The following ARHGAP39 variants were observed in gnomAD, a reference collection of about 807,000 sequenced individuals.
ARHGAP39 encodes the protein Rho GTPase activating protein 39.
In ARHGAP39, 44 loss-of-function variants were observed where a neutral mutation model predicts 106.9. The observed-to-expected ratio is 0.41, with a 90% CI of 0.32 to 0.53. The LOEUF is 0.53. Ranked by LOEUF, ARHGAP39 falls within the 20% of genes least tolerant of loss-of-function variation. The pLI is 0.21. For synonymous variants in ARHGAP39, 768 were observed against 693.2 expected (o/e 1.11, Z -1.69); for missense variants, 1,496 against 1,577.3 (o/e 0.95, Z 0.87).
intron 3 of ARHGAP39, among the ~76,000 whole-genome samples, chr8:144,562,537 T>G (rs1396964944): frequency 1.1e-4 from 16 of 146,796 alleles, no homozygotes; most frequent in Admixed American, 8.1e-4. Context: ...CGGACTCCAG[T>G]GGTTTCCATC....
At chr8:144,638,545 C>T (rs144113541) in intron 1 of ARHGAP39, among the ~76,000 whole-genome samples, 91 of 152,288 alleles carry the variant, frequency 6.0e-4, no homozygotes, top group Non-Finnish European at 1.1e-3. Context: ...TCACTTTCCC[C>T]GTCTTGTTAA....
At chr8:144,552,912 G>A (rs1817773228) in intron 4 of ARHGAP39, among the ~76,000 whole-genome samples, 1 of 152,088 alleles carries the variant, frequency 6.6e-6, no homozygotes, top group Non-Finnish European at 1.5e-5. Flanking sequence ...GGCAACTTGT[G>A]AAAGGAAGCA....
At chr8:144,635,513 T>C (rs2130982765) in intron 1 of ARHGAP39, among the ~76,000 whole-genome samples, 1 of 152,352 alleles carries the variant, frequency 6.6e-6, no homozygotes, top group African/African-American at 2.4e-5. Flanking sequence ...AACATCAATG[T>C]AAGCTTCCCA....
chr8:144,621,183 T>A (rs1433942748), intron 1 of ARHGAP39, among the ~76,000 whole-genome samples: 1 of 152,282 alleles, frequency 6.6e-6, no homozygotes, highest in Non-Finnish European at 1.5e-5. Context: ...CAGCCTGGAC[T>A]CTGCAGGCCA....
intron 3 of ARHGAP39, among the ~76,000 whole-genome samples, chr8:144,568,514 C>A (rs924566879): frequency 6.6e-6 from 1 of 152,004 alleles, no homozygotes. Flanking sequence ...GCACAGGAAA[C>A]AGGAACTGTG....
At chr8:144,597,504 G>C (rs1228353980) in intron 2 of ARHGAP39, among the ~76,000 whole-genome samples, 2 of 152,230 alleles carry the variant, frequency 1.3e-5, no homozygotes, top group African/African-American at 4.8e-5. Context: ...TGGAACCCCA[G>C]CACACTGAGG....
chr8:144,588,609 C>T (rs558070773), intron 2 of ARHGAP39, among the ~76,000 whole-genome samples: 19 of 152,318 alleles, frequency 1.2e-4, no homozygotes, highest in Admixed American at 9.2e-4. Context: ...GCCCAGGGCC[C>T]GAAGGGGAAG....
rs1430558073 is a variant in ARHGAP39 at position 144,671,429 on chromosome 8, G to A, written c.-82+14257C>T. On this transcript the variant is annotated intron_variant, in intron 1 of 11. Transcript: ENST00000377307. The surrounding 1 kb of genome is among the most constrained non-coding windows in gnomAD (Gnocchi z 4.5). ...TAACTGCATGCTGACTCGGAAGGTG[G>A]GGCTCAAGCTGAGAAGTGCTCCCCT... Among the ~76,000 whole-genome samples the A allele has an allele frequency of 6.6e-6, 1 of 152,282 alleles. No homozygotes were observed. Among genetic ancestry groups the A allele is most frequent in the East Asian group, 1.9e-4 (1 of 5,172 alleles).
the ARHGAP39 span, among the ~76,000 whole-genome samples, chr8:144,698,006 T>TA: frequency 6.6e-6 from 1 of 152,210 alleles, no homozygotes; most frequent in Non-Finnish European, 1.5e-5. Flanking sequence ...TTTGGCGTGT[T>TA]AAGCTTCGCT....
chr8:144,664,821 C>T (rs1821921173), intron 1 of ARHGAP39, among the ~76,000 whole-genome samples: 1 of 152,200 alleles, frequency 6.6e-6, no homozygotes, highest in Non-Finnish European at 1.5e-5. Flanking sequence ...TCCAATTAAA[C>T]TTCTTTTTGT....
chr8:144,619,181 C>A (rs191125800), intron 1 of ARHGAP39, among the ~76,000 whole-genome samples: 2 of 152,224 alleles, frequency 1.3e-5, no homozygotes, highest in Non-Finnish European at 2.9e-5. Flanking sequence ...CGTCCCACGC[C>A]GAATCTGGAA....
At chr8:144,613,581 G>A (rs1043893625) in intron 1 of ARHGAP39, among the ~76,000 whole-genome samples, 3 of 149,130 alleles carry the variant, frequency 2.0e-5, no homozygotes, top group Non-Finnish European at 4.4e-5. Context: ...GCTGTCATCT[G>A]TGTCTTTGTT....
intron 2 of ARHGAP39, among the ~76,000 whole-genome samples, chr8:144,600,681 TG>T (rs1786242202): frequency 6.7e-6 from 1 of 148,444 alleles, no homozygotes; most frequent in South Asian, 2.1e-4. Flanking sequence ...TGTACCTGCG[TG>T]TGCGTGTGCG....
At chr8:144,561,964 TCCAGTGGTTTCCATCGGACC>T (rs1564848965) in intron 3 of ARHGAP39, among the ~76,000 whole-genome samples, 7 of 148,002 alleles carry the variant, frequency 4.7e-5, no homozygotes, top group East Asian at 2.0e-4. Context: ...TCCATCGGAC[TCCAGTGGTTTCCATCGGACC>T]CCAGTGGTTT....
At chr8:144,652,790 A>G (rs1241219620) in intron 1 of ARHGAP39, among the ~76,000 whole-genome samples, 1 of 152,104 alleles carries the variant, frequency 6.6e-6, no homozygotes, top group African/African-American at 2.4e-5. Context: ...GAGGGAGAGG[A>G]GCATAAAGGA....
intron 1 of ARHGAP39, among the ~76,000 whole-genome samples, chr8:144,640,380 C>T (rs1470241166): frequency 1.3e-5 from 2 of 152,250 alleles, no homozygotes; most frequent in African/African-American, 2.4e-5. Context: ...ATGCTGTTTT[C>T]GTGATAGTGA....
intron 2 of ARHGAP39, among the ~76,000 whole-genome samples, chr8:144,589,346 G>A (rs1819303807): frequency 6.6e-6 from 1 of 152,200 alleles, no homozygotes; most frequent in Non-Finnish European, 1.5e-5. Flanking sequence ...CCATGCAGGC[G>A]TGTCCCGGCA....
chr8:144,568,211 G>A (rs577326669), intron 3 of ARHGAP39, among the ~76,000 whole-genome samples: 1 of 151,954 alleles, frequency 6.6e-6, no homozygotes, highest in East Asian at 1.9e-4. Flanking sequence ...GCACACGCCT[G>A]TAGTCCCAGC....
In ARHGAP39 at chr8:144,635,510, A is replaced by C. The variant is rs138385318; in HGVS notation, c.-81-29815T>G. On this transcript the variant is annotated intron_variant, in intron 1 of 11. Coordinates refer to ENST00000377307, the MANE Select transcript of ARHGAP39 (RefSeq NM_025251.3). The stretch of plus-strand genomic sequence containing the variant: ...GTAATATCCTCCATGATAAACATCA[A>C]TGTAAGCTTCCCAAAATTCTATGAG... 2.9e-3 allele frequency among the ~76,000 whole-genome samples: 436 copies of C among 152,312 alleles called. 1 individual carries two copies. Among genetic ancestry groups the C allele is most frequent in the Admixed American group, 6.7e-3 (102 of 15,310 alleles).
Sources: allele counts gnomAD v4.1 joint callset (sites outside exome capture counted in the v4.1 genomes callset), GRCh38; gene constraint gnomAD v4.1.1; non-coding constraint Gnocchi (gnomAD v3.1); transcripts MANE v1.5; gene names NCBI Gene and HGNC (gene_info 2026-07-23, HGNC 2026-07-21).